Variants in NAV1 observed in about 807,000 individuals in gnomAD.
The protein encoded by NAV1 is pore membrane and/or filament interacting like protein 3.
Under a neutral mutation model 175.2 loss-of-function variants are expected in NAV1, and 18 were observed. That is an observed-to-expected ratio of 0.10 (90% CI 0.07 to 0.15). NAV1 has a LOEUF of 0.15. NAV1 is among the 10% of genes least tolerant of loss of function. The pLI is 1.00. For synonymous variants in NAV1, 897 were observed against 978.7 expected (o/e 0.92, Z 1.56); for missense variants, 1,731 against 2,436.6 (o/e 0.71, Z 6.10).
intron 15 of NAV1, chr1:201,794,833 C>T (rs549353218): frequency 5.4e-5 from 23 of 429,158 alleles, no homozygotes; most frequent in South Asian, 7.2e-5. Context: ...CTTTACCTCA[C>T]GGCCAAAGAG....
chr1:201,734,266 GCGA>G (rs1251880248), intron 3 of NAV1, among the ~76,000 whole-genome samples: 102 of 151,944 alleles, frequency 6.7e-4, no homozygotes, highest in African/African-American at 2.3e-3. Flanking sequence ...AAATTAGCTG[GCGA>G]TGATGGCTTG....
chr1:201,664,269 G>A (rs1669729225), intron 1 of NAV1, among the ~76,000 whole-genome samples: 1 of 152,176 alleles, frequency 6.6e-6, no homozygotes, highest in African/African-American at 2.4e-5. Context: ...TTGAACCCAG[G>A]AGGTGAAGGT....
chr1:201,780,403 A>T lies in NAV1; in HGVS notation c.1227-18A>T. On this transcript the variant is annotated intron_variant, in intron 3 of 29. Transcript: ENST00000367296. Reference sequence around the variant, plus strand: ...GCTTCTGTTTTAACGATTGACCTTCATCTCTCCTGTCCTGTAGCTGGGATG... The same window carrying T: ...GCTTCTGTTTTAACGATTGACCTTCTTCTCTCCTGTCCTGTAGCTGGGATG... The T allele has an allele frequency of 7.4e-6, 12 of 1,613,894 alleles. No homozygotes were observed. The highest frequency in any genetic ancestry group is 9.3e-6 in the Non-Finnish European group (11 of 1,179,856).
intron 1 of NAV1, among the ~76,000 whole-genome samples, chr1:201,556,613 T>C (rs1666023032): frequency 6.6e-6 from 1 of 151,976 alleles, no homozygotes; most frequent in African/African-American, 2.4e-5. Context: ...GGGAGGGAAC[T>C]GGGGGGCCTT....
chr1:201,816,663 G>A (rs1487179917), intron 28 of NAV1, among the ~76,000 whole-genome samples: 3 of 146,934 alleles, frequency 2.0e-5, no homozygotes, highest in Non-Finnish European at 4.5e-5. Context: ...ATTTACATTT[G>A]AGGAAGTGCA....
At chr1:201,648,173 G>GCTGCAGC (rs1406494277), upstream of NAV1, 4 of 916,172 alleles carry the variant, frequency 4.4e-6, no homozygotes, top group African/African-American at 1.8e-5. Flanking sequence ...TCTGCTCGGA[G>GCTGCAGC]CTGCAGCCTG....
At chr1:201,690,473 A>T in intron 1 of NAV1, among the ~76,000 whole-genome samples, 1 of 130,152 alleles carries the variant, frequency 7.7e-6, no homozygotes, top group African/African-American at 3.0e-5. Context: ...TCCGTGGCAG[A>T]GTATGTCTAT....
intron 3 of NAV1, among the ~76,000 whole-genome samples, chr1:201,777,423 A>G (rs1420395443): frequency 6.6e-6 from 1 of 152,120 alleles, no homozygotes; most frequent in East Asian, 1.9e-4. Context: ...TTTCCTTTAT[A>G]TAATATCTGG....
At chr1:201,741,254 C>T (rs1243216740) in intron 3 of NAV1, among the ~76,000 whole-genome samples, 1 of 152,174 alleles carries the variant, frequency 6.6e-6, no homozygotes, top group Non-Finnish European at 1.5e-5. Context: ...GCACCAGGAG[C>T]CCCTTGGAAG....
intron 2 of NAV1, among the ~76,000 whole-genome samples, chr1:201,640,864 A>G (rs1240074555): frequency 6.6e-6 from 1 of 152,252 alleles, no homozygotes; most frequent in African/African-American, 2.4e-5. Flanking sequence ...TATTTTTGAG[A>G]GCCCACTGTG....
intron 3 of NAV1, among the ~76,000 whole-genome samples, chr1:201,749,401 A>G (rs1453936728): frequency 1.3e-5 from 2 of 152,190 alleles, no homozygotes; most frequent in Admixed American, 1.3e-4. Flanking sequence ...TGTCTTTCCA[A>G]AATGGTTCTG....
intron 3 of NAV1, among the ~76,000 whole-genome samples, chr1:201,754,130 C>G (rs1674306963): frequency 6.6e-6 from 1 of 152,052 alleles, no homozygotes; most frequent in Non-Finnish European, 1.5e-5. Context: ...TAATATAACC[C>G]CTTGATTCAT....
At chr1:201,565,955 A>T (rs1053854495) in intron 1 of NAV1, among the ~76,000 whole-genome samples, 2 of 152,154 alleles carry the variant, frequency 1.3e-5, no homozygotes, top group African/African-American at 4.8e-5. Flanking sequence ...ACTTTTCTTT[A>T]AAAGACCAAT....
intron 1 of NAV1, among the ~76,000 whole-genome samples, chr1:201,691,320 A>C (rs1670929890): frequency 6.6e-6 from 1 of 152,224 alleles, no homozygotes; most frequent in Non-Finnish European, 1.5e-5. Flanking sequence ...GCCTCAGCGG[A>C]AGGTGTGGTC....
intron 3 of NAV1, among the ~76,000 whole-genome samples, chr1:201,728,599 C>CAAAAA (rs1278753255): frequency 1.0e-3 from 58 of 57,574 alleles, no homozygotes; most frequent in Middle Eastern, 0.013. Context: ...CATCGCAAAA[C>CAAAAA]AAAAAAAAAA....
intron 1 of NAV1, among the ~76,000 whole-genome samples, chr1:201,677,250 CAAA>C (rs3053786): frequency 2.5e-4 from 28 of 110,648 alleles, no homozygotes; most frequent in African/African-American, 6.0e-4. Flanking sequence ...GACTCCATCT[CAAA>C]AAAAAAAAAA....
chr1:201,821,443 G>C (rs1571526394), exon 30 of NAV1: 1 of 151,642 alleles, frequency 6.6e-6, no homozygotes, highest in African/African-American at 2.4e-5. Flanking sequence ...GGCAATCCCT[G>C]TTCTTTCATT....
intron 1 of NAV1, among the ~76,000 whole-genome samples, chr1:201,711,878 T>G (rs1671921878): frequency 6.6e-6 from 1 of 152,206 alleles, no homozygotes; most frequent in Non-Finnish European, 1.5e-5. Flanking sequence ...GGAAGAACAT[T>G]CTTTGAGTTC....
intron 2 of NAV1, among the ~76,000 whole-genome samples, chr1:201,633,061 G>A (rs2102300516): frequency 6.6e-6 from 1 of 152,266 alleles, no homozygotes; most frequent in Middle Eastern, 3.4e-3. Context: ...AAGAACATAG[G>A]AAGTCAAAGC....
Sources: allele counts gnomAD v4.1 joint callset (sites outside exome capture counted in the v4.1 genomes callset), GRCh38; gene constraint gnomAD v4.1.1; transcripts MANE v1.5; gene names NCBI Gene and HGNC (gene_info 2026-07-23, HGNC 2026-07-21).